Variants in PTPRT observed in about 807,000 individuals in gnomAD.
PTPRT encodes receptor-type tyrosine-protein phosphatase T.
PTPRT carries 56 observed loss-of-function variants against 176.8 expected under a neutral mutation model. The observed-to-expected ratio is 0.32, with a 90% CI of 0.26 to 0.40. PTPRT has a LOEUF of 0.40. Ranked by LOEUF, PTPRT falls within the 10% of genes least tolerant of loss-of-function variation. The pLI, the probability that PTPRT is intolerant of heterozygous loss-of-function variation, is 1.00. For synonymous variants in PTPRT, 783 were observed against 739.0 expected (o/e 1.06, Z -0.96); for missense variants, 1,540 against 1,908.2 (o/e 0.81, Z 3.60).
intron 7 of PTPRT, among the ~76,000 whole-genome samples, chr20:42,551,448 A>G (rs1252012897): frequency 6.6e-6 from 1 of 152,162 alleles, no homozygotes; most frequent in African/African-American, 2.4e-5. Context: ...CCCAAGCATA[A>G]TTGATGCTGC....
chr20:42,062,468 G>A, the PTPRT span, among the ~76,000 whole-genome samples: 6 of 152,312 alleles, frequency 3.9e-5, no homozygotes, highest in East Asian at 3.9e-4. Context: ...GCCGTTCTGG[G>A]GCACTTTGGC....
intron 29 of PTPRT, among the ~76,000 whole-genome samples, chr20:42,082,337 CAGGGCACA>C (rs1983413144): frequency 6.6e-6 from 1 of 152,230 alleles, no homozygotes; most frequent in Non-Finnish European, 1.5e-5. Context: ...TACAGTCACT[CAGGGCACA>C]CTCACCCAAA....
At chr20:42,269,472 T>C (rs2056894166) in intron 13 of PTPRT, among the ~76,000 whole-genome samples, 2 of 152,210 alleles carry the variant, frequency 1.3e-5, no homozygotes, top group African/African-American at 2.4e-5. Context: ...AAACTTCCCA[T>C]TGACTAAAAA....
At chr20:43,183,713 C>A (rs1479858135) in intron 1 of PTPRT, among the ~76,000 whole-genome samples, 1 of 152,234 alleles carries the variant, frequency 6.6e-6, no homozygotes, top group African/African-American at 2.4e-5. Context: ...CTGCTCCATG[C>A]CCAACCCTAG....
Position 42,472,454 on chromosome 20 carries a change from T to G in PTPRT, c.1262A>C (p.Asn421Thr), listed in dbSNP as rs773703805. 5 of 1,614,062 alleles carry G rather than the reference T, an allele frequency of 3.1e-6. No homozygotes were observed. Among genetic ancestry groups the G allele is most frequent in the Middle Eastern group, 1.6e-4 (1 of 6,084 alleles). ...CACATACTGGTACTGCACGGTGAGG[T>G]TGTAGCTATGGCAGCGGGTCACCGC... ...GYAVTRCHSY[N>T]LTVQYQYVFN... Residue 421 changes from asparagine to threonine, a missense_variant, in exon 8 of 31, where the codon AAC becomes ACC. Coordinates refer to ENST00000373187, the MANE Select transcript of PTPRT (RefSeq NM_007050.6).
chr20:42,848,736 C>A (rs569849554), intron 2 of PTPRT, among the ~76,000 whole-genome samples: 1 of 152,090 alleles, frequency 6.6e-6, no homozygotes, highest in Admixed American at 6.6e-5. Flanking sequence ...GTATAGATGG[C>A]AAAATTTCTC....
At chr20:42,515,155 A>G (rs954049358) in intron 7 of PTPRT, among the ~76,000 whole-genome samples, 10 of 152,164 alleles carry the variant, frequency 6.6e-5, no homozygotes, top group Admixed American at 1.3e-4. Context: ...CACGTTTAAA[A>G]CTTTTCAATG....
chr20:42,236,147 G>T, intron 15 of PTPRT, 82 bp downstream of exon 15: 1 of 1,213,198 alleles, frequency 8.2e-7, no homozygotes, highest in South Asian at 1.4e-5. Context: ...GAAACTAACA[G>T]ACACTTGGTT....
At position 43,149,350 on chromosome 20, in the gene PTPRT, C is replaced by T. The variant is rs947578797; in HGVS notation, c.88+40296G>A. ...GCTCATTATATGCTTTGAAAAACTGCTTGCACTAGGTTAATTCTATTCACT... is the reference window on the plus strand; with the variant it reads ...GCTCATTATATGCTTTGAAAAACTGTTTGCACTAGGTTAATTCTATTCACT... On this transcript the variant is annotated intron_variant, in intron 1 of 30. Coordinates refer to ENST00000373187, the MANE Select transcript of PTPRT (RefSeq NM_007050.6). 3.9e-5 allele frequency among the ~76,000 whole-genome samples: 6 copies of T among 152,152 alleles called. No individual in the cohort carries two copies. In the South Asian group the frequency reaches 6.2e-4, roughly 16 times the overall value.
intron 2 of PTPRT, among the ~76,000 whole-genome samples, chr20:42,851,552 C>A (rs1383969196): frequency 2.0e-5 from 3 of 152,130 alleles, no homozygotes; most frequent in Non-Finnish European, 4.4e-5. Flanking sequence ...AAATATGTCA[C>A]CCCAACCATA....
At chr20:42,780,332 G>C in intron 3 of PTPRT, 33 bp from the exon 4 acceptor site, 2 of 1,555,692 alleles carry the variant, frequency 1.3e-6, no homozygotes, top group Non-Finnish European at 1.8e-6. Context: ...CAATTTCACA[G>C]AAACAGTTGC....
At chr20:42,212,197 A>C (rs1289183588) in intron 15 of PTPRT, among the ~76,000 whole-genome samples, 1 of 147,064 alleles carries the variant, frequency 6.8e-6, no homozygotes, top group East Asian at 2.1e-4. Context: ...ACCTAATGCT[A>C]GATGACGAGT....
At chr20:42,901,577 G>C (rs564058475) in intron 1 of PTPRT, among the ~76,000 whole-genome samples, 1 of 152,120 alleles carries the variant, frequency 6.6e-6, no homozygotes, top group Non-Finnish European at 1.5e-5. Flanking sequence ...TCTCTGTCTT[G>C]TTTAGGGAAC....
intron 1 of PTPRT, among the ~76,000 whole-genome samples, chr20:43,159,919 A>C (rs1197849598): frequency 6.6e-6 from 1 of 151,758 alleles, no homozygotes; most frequent in Non-Finnish European, 1.5e-5. Flanking sequence ...CAGCACTGCC[A>C]TGTGGTGTAA....
intron 18 of PTPRT, among the ~76,000 whole-genome samples, chr20:42,141,391 C>T (rs908638947): frequency 8.5e-5 from 13 of 152,210 alleles, no homozygotes; most frequent in Admixed American, 7.2e-4. Flanking sequence ...CAAGCATCAG[C>T]CAGTGTGACT....
chr20:43,111,464 A>C (rs2146342320), intron 1 of PTPRT, among the ~76,000 whole-genome samples: 1 of 151,164 alleles, frequency 6.6e-6, no homozygotes, highest in East Asian at 2.0e-4. Flanking sequence ...GAACCTCTTG[A>C]ACCTGGGAGG....
intron 14 of PTPRT, among the ~76,000 whole-genome samples, chr20:42,246,047 G>T (rs1407432349): frequency 6.6e-6 from 1 of 152,148 alleles, no homozygotes; most frequent in East Asian, 1.9e-4. Flanking sequence ...CTACTTGGAA[G>T]TTTCTTTGAC....
chr20:42,782,349 C>T (rs559360851), intron 3 of PTPRT, among the ~76,000 whole-genome samples: 2 of 152,292 alleles, frequency 1.3e-5, no homozygotes, highest in South Asian at 4.1e-4. Context: ...CACCCTAGAC[C>T]TTTCACCCAC....
At chr20:42,383,101 TA>T (rs2058712128) in intron 9 of PTPRT, among the ~76,000 whole-genome samples, 1 of 152,240 alleles carries the variant, frequency 6.6e-6, no homozygotes, top group Non-Finnish European at 1.5e-5. Flanking sequence ...TCCTGGTATC[TA>T]AAGTGCACTC....
Sources: gnomAD v4.1 joint callset for allele counts (sites outside exome capture counted in the v4.1 genomes callset) on GRCh38, gnomAD v4.1.1 for gene constraint, MANE v1.5 for transcripts, NCBI Gene and HGNC (gene_info 2026-07-23, HGNC 2026-07-21) for gene names.